GRIN2A: variants seen among roughly 807,000 people sequenced by gnomAD.
GRIN2A encodes glutamate receptor ionotropic, NMDA 2A.
A neutral mutation model predicts 113.4 loss-of-function variants in GRIN2A; 22 were observed. The ratio of observed to expected loss-of-function variants is 0.19; its 90% CI spans 0.14 to 0.28. The LOEUF (loss-of-function observed/expected upper bound fraction) is 0.28, where lower values mean the gene tolerates loss of function less well. Ranked by LOEUF, GRIN2A falls within the 10% of genes least tolerant of loss-of-function variation. GRIN2A has a pLI of 1.00. For synonymous variants in GRIN2A, 827 were observed against 738.4 expected, an observed-to-expected ratio of 1.12 and a Z score of -1.94; for missense variants, 1,502 against 1,887.0, an observed-to-expected ratio of 0.80 and a Z score of 3.78.
Position 10,111,592 on chromosome 16 carries a change from G to C in GRIN2A, c.414+68406C>G, listed in dbSNP as rs760070813. ...GACACCACTGATCTCTTCCCCTATG[G>C]ACACTGAGACAGAGGCCGACATGGC... On this transcript the variant is annotated intron_variant, in intron 2 of 12. Coordinates refer to ENST00000330684, the MANE Select transcript of GRIN2A (RefSeq NM_001134407.3). 23 of 1,018,858 alleles carry C rather than the reference G, an allele frequency of 2.3e-5. No homozygotes were observed. The African/African-American group carries it at 2.7e-4, about 12-fold the overall frequency. 63.1% of individuals were successfully genotyped at this position (1,018,858 alleles called of 1,614,324 possible).
intron 2 of GRIN2A, chr16:10,112,350 A>T: frequency 1.5e-6 from 1 of 656,540 alleles, no homozygotes; most frequent in Non-Finnish European, 2.8e-6. Flanking sequence ...GCATGTAGTT[A>T]TGGGCTGCAG....
chr16:10,044,046 GACAGAGACAGAGAC>G (rs1567258036), intron 2 of GRIN2A, among the ~76,000 whole-genome samples: 18 of 131,796 alleles, frequency 1.4e-4, no homozygotes, highest in Non-Finnish European at 1.6e-5. Context: ...GAGAGAGAGA[GACAGAGACAGAGAC>G]AGAGACAGAG....
At chr16:9,992,558 C>T (rs1472936290) in intron 2 of GRIN2A, among the ~76,000 whole-genome samples, 2 of 152,208 alleles carry the variant, frequency 1.3e-5, no homozygotes, top group African/African-American at 4.8e-5. Flanking sequence ...GTTTTAGCTC[C>T]TTCCACCGGA....
chr16:9,823,888 C>T (rs1461765454), intron 9 of GRIN2A, among the ~76,000 whole-genome samples: 1 of 152,066 alleles, frequency 6.6e-6, no homozygotes, highest in Non-Finnish European at 1.5e-5. Flanking sequence ...ATTTAAAGAC[C>T]CCAGGAGGGG....
chr16:10,178,995 T>C (rs1162238994), intron 2 of GRIN2A, among the ~76,000 whole-genome samples: 1 of 152,180 alleles, frequency 6.6e-6, no homozygotes, highest in African/African-American at 2.4e-5. Context: ...CTCCAATCTT[T>C]CCCTTTTTTC....
chr16:10,107,060 G>A (rs773444497), intron 2 of GRIN2A, among the ~76,000 whole-genome samples: 8 of 152,152 alleles, frequency 5.3e-5, no homozygotes, highest in Non-Finnish European at 8.8e-5. Context: ...TACCCCTAAG[G>A]GACATCATGA....
intron 2 of GRIN2A, chr16:10,031,572 G>A (rs547654262): frequency 6.6e-6 from 1 of 152,396 alleles, no homozygotes; most frequent in Admixed American, 6.5e-5. Context: ...CCCGTAGACA[G>A]TGGTGCACAA....
chr16:10,027,249 C>T (rs997450745), intron 2 of GRIN2A, among the ~76,000 whole-genome samples: 3 of 152,082 alleles, frequency 2.0e-5, no homozygotes, highest in African/African-American at 7.2e-5. Flanking sequence ...AAGGAGTTGC[C>T]CATATTACAG....
At position 9,953,434 on chromosome 16, in the gene GRIN2A, TAGG is replaced by T. The variant is rs1281936621; in HGVS notation, c.415-14886_415-14884del. 3.3e-5 allele frequency among the ~76,000 whole-genome samples: 5 copies of T among 152,162 alleles called. No homozygotes were observed. In the South Asian group the frequency reaches 1.0e-3, roughly 32 times the overall value. ...GAGCAAGGGTGGAAGTGAGTATAGG[TAGG>T]GGGACAGAGAAATGCATATGGAATT... On this transcript the variant is annotated intron_variant, in intron 2 of 12. Coordinates refer to ENST00000330684, the MANE Select transcript of GRIN2A (RefSeq NM_001134407.3).
At chr16:9,823,898 G>A (rs2042335951) in intron 9 of GRIN2A, among the ~76,000 whole-genome samples, 1 of 152,116 alleles carries the variant, frequency 6.6e-6, no homozygotes, top group Non-Finnish European at 1.5e-5. Flanking sequence ...CCCAGGAGGG[G>A]AAGAGCACCC....
intron 2 of GRIN2A, among the ~76,000 whole-genome samples, chr16:10,042,979 A>G (rs2047192772): frequency 6.6e-6 from 1 of 152,166 alleles, no homozygotes; most frequent in South Asian, 2.1e-4. Context: ...CCCAACTTTG[A>G]TCTACGTCAG....
chr16:10,149,055 G>C (rs1216105192), intron 2 of GRIN2A, among the ~76,000 whole-genome samples: 1 of 152,196 alleles, frequency 6.6e-6, no homozygotes, highest in African/African-American at 2.4e-5. Flanking sequence ...GTAGTGCAAT[G>C]GTTACCAGAG....
intron 2 of GRIN2A, among the ~76,000 whole-genome samples, chr16:10,094,474 A>G (rs1193377421): frequency 6.6e-6 from 1 of 151,432 alleles, no homozygotes; most frequent in Non-Finnish European, 1.5e-5. Context: ...TTTGAGATGG[A>G]ATCTCGCTCT....
chr16:9,850,031 C>A, intron 4 of GRIN2A, 70 bp from the exon 5 acceptor site: 1 of 1,322,760 alleles, frequency 7.6e-7, no homozygotes, highest in Admixed American at 1.7e-5. Flanking sequence ...CAAATCCTTT[C>A]CCTGCCAGAG....
chr16:10,166,263 C>A (rs757317798), intron 2 of GRIN2A, among the ~76,000 whole-genome samples: 1 of 152,120 alleles, frequency 6.6e-6, no homozygotes, highest in Non-Finnish European at 1.5e-5. Flanking sequence ...GACAACAAAA[C>A]GGAAATCTGC....
At chr16:10,052,855 CT>C (rs1389630992) in intron 2 of GRIN2A, among the ~76,000 whole-genome samples, 1 of 152,124 alleles carries the variant, frequency 6.6e-6, no homozygotes, top group African/African-American at 2.4e-5. Flanking sequence ...CGAGTCCAGC[CT>C]GGCCAACATG....
intron 4 of GRIN2A, among the ~76,000 whole-genome samples, chr16:9,887,052 A>T (rs888365669): frequency 6.6e-6 from 1 of 151,992 alleles, no homozygotes; most frequent in Non-Finnish European, 1.5e-5. Flanking sequence ...ATGCCGGGCT[A>T]ATTTTTTGTA....
chr16:10,029,683 G>T (rs931548827), intron 2 of GRIN2A, among the ~76,000 whole-genome samples: 3 of 152,130 alleles, frequency 2.0e-5, no homozygotes, highest in African/African-American at 7.2e-5. Context: ...TTCATGGTTT[G>T]CGTAAGGCAG....
At chr16:9,832,706 T>C (rs2042518123) in intron 8 of GRIN2A, among the ~76,000 whole-genome samples, 1 of 152,204 alleles carries the variant, frequency 6.6e-6, no homozygotes, top group Admixed American at 6.5e-5. Context: ...TATCACAGTG[T>C]GGTCACTCAC....
Sources: allele counts gnomAD v4.1 joint callset (sites outside exome capture counted in the v4.1 genomes callset), GRCh38; gene constraint gnomAD v4.1.1; transcripts MANE v1.5; gene names NCBI Gene and HGNC (gene_info 2026-07-23, HGNC 2026-07-21).